NELL1: variants seen among roughly 807,000 people sequenced by gnomAD.
The protein encoded by NELL1 is protein kinase C-binding protein NELL1.
In NELL1, 76 loss-of-function variants were observed where a neutral mutation model predicts 107.4. That is an observed-to-expected ratio of 0.71 (90% CI 0.59 to 0.86). The LOEUF is 0.86. Among genes scored for constraint, NELL1 ranks in the 40% least tolerant of loss-of-function variants. The probability of loss-of-function intolerance (pLI) is 0.00; values close to 1 mark genes in which losing one functional copy is unlikely to be tolerated. For synonymous variants in NELL1, 353 were observed against 341.2 expected (o/e 1.03, Z -0.38); for missense variants, 1,024 against 1,005.5 (o/e 1.02, Z -0.25).
chr11:21,360,037 T>C (rs1565186687), intron 14 of NELL1, among the ~76,000 whole-genome samples: 1 of 152,142 alleles, frequency 6.6e-6, no homozygotes, highest in Non-Finnish European at 1.5e-5. Context: ...GCATTTTGGC[T>C]TGGTTTTCTC....
chr11:21,259,946 T>C (rs757235638), intron 14 of NELL1: 6 of 151,888 alleles, frequency 4.0e-5, no homozygotes, highest in Non-Finnish European at 7.4e-5. Context: ...ACACTCAAAA[T>C]TACCACCAAA....
At chr11:21,391,547 TA>T (rs1474637044) in intron 15 of NELL1, among the ~76,000 whole-genome samples, 3 of 151,988 alleles carry the variant, frequency 2.0e-5, no homozygotes, top group East Asian at 2.0e-4. Flanking sequence ...TTTTTATTAT[TA>T]TTTTTTTCTT....
At chr11:21,314,151 T>A (rs1458191438) in intron 14 of NELL1, among the ~76,000 whole-genome samples, 1 of 151,992 alleles carries the variant, frequency 6.6e-6, no homozygotes, top group African/African-American at 2.4e-5. Flanking sequence ...GAGACCCAGT[T>A]AAACCTCTTT....
chr11:20,794,584 A>C (rs1857135155), intron 3 of NELL1, among the ~76,000 whole-genome samples: 1 of 152,126 alleles, frequency 6.6e-6, no homozygotes, highest in Non-Finnish European at 1.5e-5. Flanking sequence ...AATTGATAAT[A>C]CCTGGTGATT....
intron 5 of NELL1, among the ~76,000 whole-genome samples, chr11:20,901,938 T>C (rs1259389616): frequency 1.3e-5 from 2 of 152,152 alleles, no homozygotes; most frequent in Non-Finnish European, 2.9e-5. Flanking sequence ...CATTGAGTGA[T>C]GTAATTGATT....
chr11:21,377,858 G>T (rs1353414915), intron 15 of NELL1, among the ~76,000 whole-genome samples: 1 of 151,986 alleles, frequency 6.6e-6, no homozygotes, highest in Non-Finnish European at 1.5e-5. Flanking sequence ...CGGATCTTTT[G>T]TATTTCTGTG....
chr11:21,435,481 C>G (rs1489323993), intron 15 of NELL1, among the ~76,000 whole-genome samples: 1 of 132,570 alleles, frequency 7.5e-6, no homozygotes, highest in African/African-American at 2.8e-5. Context: ...TAGCTTTTAT[C>G]GTTTTTTGTT....
At chr11:21,048,389 A>C (rs890091586) in intron 12 of NELL1, among the ~76,000 whole-genome samples, 1 of 152,162 alleles carries the variant, frequency 6.6e-6, no homozygotes, top group Non-Finnish European at 1.5e-5. Flanking sequence ...AGTGTTTTTC[A>C]TACCTTTGGG....
chr11:20,778,797 G>A (rs1381135446), intron 2 of NELL1, among the ~76,000 whole-genome samples: 1 of 152,174 alleles, frequency 6.6e-6, no homozygotes, highest in South Asian at 2.1e-4. Context: ...AAAGCCTCAC[G>A]GACAGACTAA....
intron 12 of NELL1, among the ~76,000 whole-genome samples, chr11:21,086,672 C>T (rs1245341906): frequency 6.6e-6 from 1 of 152,060 alleles, no homozygotes; most frequent in African/African-American, 2.4e-5. Flanking sequence ...TTCATTAACC[C>T]TTTATCAACT....
At chr11:21,488,845 C>G (rs1854715905) in intron 15 of NELL1, among the ~76,000 whole-genome samples, 4 of 151,664 alleles carry the variant, frequency 2.6e-5, no homozygotes, top group Non-Finnish European at 5.9e-5. Context: ...AGAAAGATTT[C>G]AAATAATAAC....
intron 14 of NELL1, among the ~76,000 whole-genome samples, chr11:21,356,804 G>C (rs1193515084): frequency 6.6e-6 from 1 of 151,972 alleles, no homozygotes; most frequent in Non-Finnish European, 1.5e-5. Flanking sequence ...CCCTTGAACC[G>C]CTCCCTCCTT....
At chr11:21,071,413 A>G (rs2134379387) in intron 12 of NELL1, among the ~76,000 whole-genome samples, 1 of 152,304 alleles carries the variant, frequency 6.6e-6, no homozygotes, top group South Asian at 2.1e-4. Context: ...AATAGTAAAG[A>G]TGGCAATAAT....
chr11:21,537,436 G>C (rs1235944500), intron 16 of NELL1, among the ~76,000 whole-genome samples: 1 of 151,978 alleles, frequency 6.6e-6, no homozygotes, highest in African/African-American at 2.4e-5. Context: ...TGCCTTTACT[G>C]TTCTCTCTGT....
intron 13 of NELL1, among the ~76,000 whole-genome samples, chr11:21,143,781 G>A (rs558629703): frequency 1.1e-4 from 16 of 152,128 alleles, no homozygotes; most frequent in Non-Finnish European, 1.8e-4. Context: ...GAAGCTCCCT[G>A]TAGACAGATT....
chr11:21,270,538 A>G (rs1848718956), intron 14 of NELL1, among the ~76,000 whole-genome samples: 1 of 152,112 alleles, frequency 6.6e-6, no homozygotes. Context: ...ATGAGTAAAA[A>G]CTGACCAAAC....
At chr11:21,407,968 C>T (rs889047000) in intron 15 of NELL1, among the ~76,000 whole-genome samples, 4 of 151,900 alleles carry the variant, frequency 2.6e-5, no homozygotes, top group Admixed American at 6.6e-5. Context: ...CTTGGAACCC[C>T]TATAATATGC....
chr11:20,799,922 A>G (rs138789047), intron 3 of NELL1, among the ~76,000 whole-genome samples: 5 of 152,152 alleles, frequency 3.3e-5, no homozygotes, highest in East Asian at 1.9e-4. Context: ...TGTGTATTCA[A>G]TGTTTTGTTC....
chr11:21,370,366 G>T (rs1017898343), intron 14 of NELL1, among the ~76,000 whole-genome samples: 1 of 151,938 alleles, frequency 6.6e-6, no homozygotes, highest in Non-Finnish European at 1.5e-5. Context: ...AAATGTAAAT[G>T]ATTAGTTACA....
Sources: allele counts gnomAD v4.1 joint callset (sites outside exome capture counted in the v4.1 genomes callset), GRCh38; gene constraint gnomAD v4.1.1; transcripts MANE v1.5; gene names NCBI Gene and HGNC (gene_info 2026-07-23, HGNC 2026-07-21).